TGM2: variants seen among roughly 807,000 people sequenced by gnomAD.
TGM2 encodes the protein protein-glutamine gamma-glutamyltransferase 2.
TGM2 carries 53 observed loss-of-function variants against 75.6 expected under a neutral mutation model. That is an observed-to-expected ratio of 0.70 (90% CI 0.56 to 0.88). The LOEUF is 0.88. Among genes scored for constraint, TGM2 ranks in the 40% least tolerant of loss-of-function variants. The pLI, the probability that TGM2 is intolerant of heterozygous loss-of-function variation, is 0.00. For missense variants in TGM2, 842 were observed against 928.5 expected (o/e 0.91, Z 1.21); for synonymous variants, 374 against 381.1 (o/e 0.98, Z 0.22).
In TGM2 at chr20:38,127,719, A is replaced by C. The variant is rs1168579358; in HGVS notation, c.*2500T>G. The C allele has an allele frequency of 6.6e-6, 1 of 152,252 alleles. No individual in the cohort carries two copies. The highest frequency in any genetic ancestry group is 1.5e-5 in the Non-Finnish European group (1 of 68,046). 9.4% of individuals were successfully genotyped at this position (152,252 alleles called of 1,614,324 possible). A position where few individuals can be genotyped will look rare whatever the true frequency, so the allele number is the denominator to read the frequency against. ...AAATACCTTACTAATTCTTATATTG[A>C]TTACATGTTGAAATAATGTTTTGGA... On this transcript the variant is annotated 3_prime_UTR_variant, in exon 13 of 13. Transcript: ENST00000361475.
At chr20:38,157,787 G>T (rs1297089770) in intron 2 of TGM2, among the ~76,000 whole-genome samples, 1 of 152,218 alleles carries the variant, frequency 6.6e-6, no homozygotes, top group Non-Finnish European at 1.5e-5. Flanking sequence ...TTCCGTGAGA[G>T]AGTTCATAGA....
rs1309783212 is a variant in TGM2 at position 38,149,357 on chromosome 20, C to T, written c.553-1268G>A. Among the ~76,000 whole-genome samples, 3 of 152,124 alleles carry T rather than the reference C, an allele frequency of 2.0e-5. No homozygotes were observed. In the East Asian group the frequency reaches 5.8e-4, roughly 29 times the overall value. On this transcript the variant is annotated intron_variant, in intron 4 of 12. Coordinates refer to ENST00000361475, the MANE Select transcript of TGM2 (RefSeq NM_004613.4). ...GAAGCTTTGCAAAGGCCATGTCCCA[C>T]AGCCCAGCACAAGACCGGATACAAA...
At chr20:38,132,084 T>C (rs1278804589) in intron 11 of TGM2, among the ~76,000 whole-genome samples, 1 of 152,020 alleles carries the variant, frequency 6.6e-6, no homozygotes, top group Non-Finnish European at 1.5e-5. Context: ...ATTTGAAGGA[T>C]TCATGACTCT....
Position 38,132,333 on chromosome 20 carries a change from C to T in TGM2, c.1776+7G>A, listed in dbSNP as rs748200455. 5 of 1,613,978 alleles carry T rather than the reference C, an allele frequency of 3.1e-6. No individual in the cohort carries two copies. Among genetic ancestry groups the T allele is most frequent in the African/African-American group, 2.7e-5 (2 of 74,902 alleles). ...GGGACCCTGCCCCTTGCCCAGCCTG[C>T]CCTTACCCGGATCTTGATTTCTGGA... On this transcript the variant is annotated splice_region_variant and intron_variant, in intron 11 of 12. Transcript: ENST00000361475.
intron 9 of TGM2, among the ~76,000 whole-genome samples, chr20:38,138,915 G>A (rs2074934594): frequency 6.6e-6 from 1 of 151,824 alleles, no homozygotes; most frequent in Non-Finnish European, 1.5e-5. Context: ...TTTATTCTAT[G>A]AAACTATCAG....
upstream of TGM2, among the ~76,000 whole-genome samples, chr20:38,167,742 A>G (rs753470589): frequency 3.3e-5 from 5 of 152,154 alleles, no homozygotes; most frequent in Non-Finnish European, 5.9e-5. Context: ...CAATTCTATC[A>G]GCAGCAGCAC....
intron 9 of TGM2, among the ~76,000 whole-genome samples, chr20:38,139,156 A>C (rs1436005102): frequency 5.3e-5 from 8 of 152,126 alleles, no homozygotes; most frequent in Non-Finnish European, 1.2e-4. Context: ...AAAATAAATC[A>C]AGTCCTTTCC....
Position 38,132,379 on chromosome 20 carries a change from C to T in TGM2, c.1737G>A (p.Glu579=). Residue 579 remains glutamate, a synonymous_variant, in exon 11 of 13, where the codon GAG becomes GAA. Coordinates refer to ENST00000361475, the MANE Select transcript of TGM2 (RefSeq NM_004613.4). ...EPVINSYLLA[E]RDLYLENPEI... ...CTGGATTCTCCAGGTAGAGGTCCCT[C>T]TCAGCCAGCAGGTAGCTGTTGATAA... 6.2e-7 allele frequency: 1 copy of T among 1,614,134 alleles called. No homozygotes were observed. Among genetic ancestry groups the T allele is most frequent in the South Asian group, 1.1e-5 (1 of 91,074 alleles).
At chr20:38,159,604 T>C (rs2075230866) in intron 2 of TGM2, among the ~76,000 whole-genome samples, 1 of 152,230 alleles carries the variant, frequency 6.6e-6, no homozygotes, top group African/African-American at 2.4e-5. Flanking sequence ...TCATCTACCA[T>C]TCCATTTCAC....
intron 5 of TGM2, among the ~76,000 whole-genome samples, chr20:38,147,207 T>C (rs1356979404): frequency 1.3e-5 from 2 of 152,144 alleles, no homozygotes; most frequent in Non-Finnish European, 2.9e-5. Context: ...ATCTAAGTTT[T>C]ACAAAGACCC....
At chr20:38,131,814 G>A (rs2074837749) in intron 11 of TGM2, among the ~76,000 whole-genome samples, 1 of 152,126 alleles carries the variant, frequency 6.6e-6, no homozygotes, top group Admixed American at 6.5e-5. Flanking sequence ...TTAGCTTTCA[G>A]TGAGCCCTTA....
chr20:38,149,690 A>AAAAAAAAAAAAAAAAAAAAAAAAAC (rs1457426013), intron 4 of TGM2, among the ~76,000 whole-genome samples: 6 of 148,888 alleles, frequency 4.0e-5, no homozygotes, highest in African/African-American at 1.0e-4. Context: ...AAAAAAAAAA[A>AAAAAAAAAAAAAAAAAAAAAAAAAC]AAAAAAAAAA....
At position 38,147,991 on chromosome 20, in the gene TGM2, G is replaced by T; in HGVS notation, c.651C>A (p.Pro217=). The T allele has an allele frequency of 1.2e-6, 2 of 1,613,194 alleles. No homozygotes were observed. The highest frequency in any genetic ancestry group is 8.5e-7 in the Non-Finnish European group (1 of 1,179,900). The change falls in exon 5 of 13, where the codon CCC becomes CCA. Residue 217 remains proline (P), a synonymous_variant. Coordinates refer to ENST00000361475, the MANE Select transcript of TGM2 (RefSeq NM_004613.4). ...CACTCACCACCCGGCCCACGTAGAC[G>T]GGGCTGCTGCGGCGGGAGCAGTCAC... ...AGRDCSRRSS[P]VYVGRVVSGM...
intron 10 of TGM2, among the ~76,000 whole-genome samples, chr20:38,136,622 C>T (rs1289536662): frequency 6.6e-6 from 1 of 152,188 alleles, no homozygotes. Context: ...AGACGATGTC[C>T]TACTTGATTC....
rs776198680 is a variant in TGM2, at chr20:38,156,066, C to T, written c.214G>A (p.Gly72Arg). The change falls in exon 3 of 13, where the codon GGG becomes AGG. Residue 72 changes from glycine (G) to arginine (R), a missense_variant. Coordinates refer to ENST00000361475, the MANE Select transcript of TGM2 (RefSeq NM_004613.4). ...VTGPAPSQEA[G>R]TKARFPLRDA... ...CTTAGTGGAAAACGGGCCTTGGTCC[C>T]GGCCTCCTGGCTAGGGGCTGGGCCT... The T allele has an allele frequency of 1.7e-5, 28 of 1,613,464 alleles. No homozygotes were observed. Among genetic ancestry groups the T allele is most frequent in the Middle Eastern group, 1.7e-4 (1 of 5,970 alleles).
intron 2 of TGM2, 121 bp downstream of exon 2, chr20:38,161,299 C>T (rs2075248734): frequency 1.5e-6 from 2 of 1,364,522 alleles, no homozygotes; most frequent in East Asian, 5.0e-5. Context: ...TGGCAATCTC[C>T]CAGGGAACAA....
chr20:38,156,930 CCA>C (rs1333932507), intron 2 of TGM2, among the ~76,000 whole-genome samples: 1 of 152,150 alleles, frequency 6.6e-6, no homozygotes, highest in African/African-American at 2.4e-5. Context: ...AGGACACTCC[CCA>C]GCCGGGTTCT....
At position 38,165,178 on chromosome 20, in the gene TGM2, C is replaced by T; in HGVS notation, c.10+11G>A. The T allele has an allele frequency of 6.2e-7, 1 of 1,613,496 alleles. No individual in the cohort carries two copies. The highest frequency in any genetic ancestry group is 8.5e-7 in the Non-Finnish European group (1 of 1,179,890). On this transcript the variant is annotated intron_variant, in intron 1 of 12. Coordinates refer to ENST00000361475, the MANE Select transcript of TGM2 (RefSeq NM_004613.4). Reference sequence around the variant, plus strand: ...CCCCTGAGTGGCGGCTGCGGTGACTCTGATACTCACCCTCGGCCATGGTCG... The same window carrying T: ...CCCCTGAGTGGCGGCTGCGGTGACTTTGATACTCACCCTCGGCCATGGTCG...
chr20:38,162,093 C>T (rs45554134), intron 1 of TGM2, among the ~76,000 whole-genome samples: 265 of 152,318 alleles, frequency 1.7e-3, no homozygotes, highest in African/African-American at 4.9e-3. Context: ...AGTGCAGGTG[C>T]GAGCCACAGT....
Sources: gnomAD v4.1 joint callset for allele counts (sites outside exome capture counted in the v4.1 genomes callset) on GRCh38, gnomAD v4.1.1 for gene constraint, MANE v1.5 for transcripts, NCBI Gene and HGNC (gene_info 2026-07-23, HGNC 2026-07-21) for gene names.